Variants in NRXN1 observed in about 807,000 individuals in gnomAD.
NRXN1 encodes the protein neurexin-1.
NRXN1 carries 39 observed loss-of-function variants against 150.9 expected under a neutral mutation model. That is an observed-to-expected ratio of 0.26 (90% CI 0.20 to 0.34). The LOEUF is 0.34. NRXN1 is among the 10% of genes least tolerant of loss of function. NRXN1 has a pLI of 1.00. For synonymous variants in NRXN1, 924 were observed against 757.0 expected, an observed-to-expected ratio of 1.22 and a Z score of -3.62; for missense variants, 1,815 against 1,949.9, an observed-to-expected ratio of 0.93 and a Z score of 1.30.
At chr2:50,278,255 T>TATTA (rs1491158433) in intron 17 of NRXN1, among the ~76,000 whole-genome samples, 17 of 112,548 alleles carry the variant, frequency 1.5e-4, no homozygotes, top group African/African-American at 5.1e-4. Context: ...TATATATATA[T>TATTA]TATATATATT....
chr2:50,895,633 T>C (rs1681822637), intron 5 of NRXN1, among the ~76,000 whole-genome samples: 1 of 150,556 alleles, frequency 6.6e-6, no homozygotes, highest in Non-Finnish European at 1.5e-5. Context: ...CAGGCTGGAG[T>C]GAAATGGCAC....
chr2:50,015,237 A>G (rs1686378466), intron 21 of NRXN1, among the ~76,000 whole-genome samples: 1 of 152,070 alleles, frequency 6.6e-6, no homozygotes, highest in South Asian at 2.1e-4. Flanking sequence ...TCCTAACACA[A>G]GGGGACACTT....
intron 5 of NRXN1, among the ~76,000 whole-genome samples, chr2:50,680,333 T>G (rs1690192947): frequency 6.6e-6 from 1 of 152,060 alleles, no homozygotes; most frequent in African/African-American, 2.4e-5. Context: ...CCCAAGCCAC[T>G]CTCAAGCATC....
chr2:50,037,382 T>G (rs1161015339), intron 21 of NRXN1, among the ~76,000 whole-genome samples: 1 of 152,142 alleles, frequency 6.6e-6, no homozygotes, highest in Non-Finnish European at 1.5e-5. Flanking sequence ...AACCAAAATC[T>G]TCCTCTCCTT....
At chr2:50,418,133 C>T (rs896883499) in intron 17 of NRXN1, among the ~76,000 whole-genome samples, 3 of 151,904 alleles carry the variant, frequency 2.0e-5, no homozygotes, top group African/African-American at 7.2e-5. Flanking sequence ...TTCCTTTGTA[C>T]TTGAGAGTTA....
At chr2:50,691,862 C>T (rs1000543440) in intron 5 of NRXN1, among the ~76,000 whole-genome samples, 2 of 152,124 alleles carry the variant, frequency 1.3e-5, no homozygotes, top group Admixed American at 1.3e-4. Flanking sequence ...GCTCCCATTC[C>T]CTATTCTAAG....
intron 5 of NRXN1, among the ~76,000 whole-genome samples, chr2:50,888,272 T>C (rs779491758): frequency 2.0e-5 from 3 of 151,548 alleles, no homozygotes; most frequent in African/African-American, 4.8e-5. Context: ...AAGGGATTGG[T>C]CAAGATCAAA....
chr2:50,432,144 A>G (rs936494478), intron 17 of NRXN1: 1 of 152,086 alleles, frequency 6.6e-6, no homozygotes, highest in Non-Finnish European at 1.5e-5. Context: ...ACCCAGGCTC[A>G]TTTTCTAATC....
At chr2:50,045,271 G>T (rs1691633832) in intron 21 of NRXN1, among the ~76,000 whole-genome samples, 1 of 152,156 alleles carries the variant, frequency 6.6e-6, no homozygotes, top group African/African-American at 2.4e-5. Context: ...TTTTGAACAA[G>T]CTTAATGTTT....
At chr2:50,574,001 T>C (rs537604498) in intron 8 of NRXN1, among the ~76,000 whole-genome samples, 52 of 152,234 alleles carry the variant, frequency 3.4e-4, no homozygotes, top group African/African-American at 1.2e-3. Flanking sequence ...GGTTATATCA[T>C]ATAACAAACA....
chr2:50,835,859 C>T (rs1361784250), intron 5 of NRXN1, among the ~76,000 whole-genome samples: 3 of 152,108 alleles, frequency 2.0e-5, no homozygotes, highest in African/African-American at 7.2e-5. Flanking sequence ...ACTAGGTTGT[C>T]TTGGGCAAGT....
chr2:50,050,159 C>T (rs1465305527), intron 21 of NRXN1, among the ~76,000 whole-genome samples: 80 of 141,608 alleles, frequency 5.6e-4, no homozygotes, highest in African/African-American at 7.2e-4. Flanking sequence ...AGCAAAACTT[C>T]TTTTTTTTTT....
chr2:49,966,130 T>C (rs1265778260), intron 21 of NRXN1, among the ~76,000 whole-genome samples: 1 of 152,188 alleles, frequency 6.6e-6, no homozygotes, highest in Non-Finnish European at 1.5e-5. Context: ...CATTCCAAAT[T>C]AGCAAAGCTA....
intron 17 of NRXN1, among the ~76,000 whole-genome samples, chr2:50,390,592 C>T (rs1489423814): frequency 6.6e-6 from 1 of 152,130 alleles, no homozygotes; most frequent in African/African-American, 2.4e-5. Context: ...GAAACTTAAT[C>T]TCCCATGCAG....
chr2:50,795,046 C>T (rs935603535), intron 5 of NRXN1, among the ~76,000 whole-genome samples: 1 of 152,084 alleles, frequency 6.6e-6, no homozygotes, highest in Admixed American at 6.6e-5. Context: ...TATCTCTGTG[C>T]ATTACTATCA....
intron 17 of NRXN1, among the ~76,000 whole-genome samples, chr2:50,456,789 T>TG (rs1333966308): frequency 6.6e-6 from 1 of 152,130 alleles, no homozygotes; most frequent in African/African-American, 2.4e-5. Context: ...CATCCTCTTG[T>TG]ATTTCTCTGT....
chr2:49,946,702 A>G (rs1001974922), intron 21 of NRXN1, among the ~76,000 whole-genome samples: 2 of 151,962 alleles, frequency 1.3e-5, no homozygotes, highest in Non-Finnish European at 2.9e-5. Flanking sequence ...TCAAAGAACT[A>G]GAAAAAACTA....
chr2:49,958,972 G>A (rs139332140), intron 21 of NRXN1, among the ~76,000 whole-genome samples: 10 of 152,296 alleles, frequency 6.6e-5, no homozygotes, highest in African/African-American at 1.9e-4. Context: ...AAGCCCAGGT[G>A]CATGAGAGCA....
At chr2:50,398,042 A>C (rs780726411) in intron 17 of NRXN1, among the ~76,000 whole-genome samples, 1 of 152,160 alleles carries the variant, frequency 6.6e-6, no homozygotes, top group Non-Finnish European at 1.5e-5. Flanking sequence ...TTGGAAAAAA[A>C]CATCATATTT....
Sources: gnomAD v4.1 joint callset for allele counts (sites outside exome capture counted in the v4.1 genomes callset) on GRCh38, gnomAD v4.1.1 for gene constraint, MANE v1.5 for transcripts, NCBI Gene and HGNC (gene_info 2026-07-23, HGNC 2026-07-21) for gene names.